Variants in FAM184A observed in about 807,000 individuals in gnomAD.
FAM184A encodes protein FAM184A.
A neutral mutation model predicts 143.8 loss-of-function variants in FAM184A; 99 were observed. The ratio of observed to expected loss-of-function variants is 0.69; its 90% CI spans 0.58 to 0.81. The LOEUF is 0.81. Among genes scored for constraint, FAM184A ranks in the 40% least tolerant of loss-of-function variants. The probability of loss-of-function intolerance (pLI) is 0.00; values close to 1 mark genes in which losing one functional copy is unlikely to be tolerated. For synonymous variants in FAM184A, 427 were observed against 446.4 expected (o/e 0.96, Z 0.55); for missense variants, 1,217 against 1,310.5 (o/e 0.93, Z 1.10).
chr6:119,039,452 T>C (rs1786236207), intron 1 of FAM184A, among the ~76,000 whole-genome samples: 1 of 152,180 alleles, frequency 6.6e-6, no homozygotes, highest in South Asian at 2.1e-4. Flanking sequence ...TAAAAAGAAA[T>C]GAACGATCAA....
At chr6:118,989,785 A>G (rs1784312480) in intron 9 of FAM184A, among the ~76,000 whole-genome samples, 1 of 150,492 alleles carries the variant, frequency 6.6e-6, no homozygotes, top group Non-Finnish European at 1.5e-5. Context: ...AAGAACTTTT[A>G]GTTGTAGTAT....
At chr6:118,968,412 A>T (rs1219194651) in intron 14 of FAM184A, among the ~76,000 whole-genome samples, 1 of 152,244 alleles carries the variant, frequency 6.6e-6, no homozygotes, top group African/African-American at 2.4e-5. Flanking sequence ...AAGTTCCACT[A>T]TCTTTAACTT....
chr6:119,023,687 C>G (rs1325139650), intron 2 of FAM184A, among the ~76,000 whole-genome samples: 1 of 151,234 alleles, frequency 6.6e-6, no homozygotes, highest in Non-Finnish European at 1.5e-5. Context: ...TACCACTGTG[C>G]CTAGCCAATA....
intron 15 of FAM184A, 47 bp downstream of exon 15, chr6:118,966,788 T>C: frequency 1.2e-6 from 1 of 857,542 alleles, no homozygotes; most frequent in Middle Eastern, 2.3e-4. Context: ...TCCCAATCAA[T>C]ATCTATTGAT....
At chr6:119,045,779 AAATAC>A (rs1489016657) in intron 1 of FAM184A, among the ~76,000 whole-genome samples, 1 of 152,106 alleles carries the variant, frequency 6.6e-6, no homozygotes, top group Non-Finnish European at 1.5e-5. Flanking sequence ...ATTTCTTCTT[AAATAC>A]AATAAAGCCA....
chr6:118,975,879 T>G (rs1783829370), intron 12 of FAM184A, 38 bp downstream of exon 12: 1 of 1,583,522 alleles, frequency 6.3e-7, no homozygotes, highest in Non-Finnish European at 8.6e-7. Context: ...TCTATTCAAA[T>G]TTAAGAAATC....
At position 119,024,445 on chromosome 6, in the gene FAM184A, T is replaced by A. The variant is rs1192047540; in HGVS notation, c.528A>T (p.Gln176His). The A allele has an allele frequency of 1.9e-6, 3 of 1,614,146 alleles. No individual in the cohort carries two copies. Among genetic ancestry groups the A allele is most frequent in the Non-Finnish European group, 2.5e-6 (3 of 1,180,030 alleles). Residue 176 changes from glutamine (Q) to histidine (H), a missense_variant, in exon 2 of 18, where the codon CAA (glutamine) becomes CAT (histidine). Gln to His is a conservative substitution (Grantham distance 24). Coordinates refer to ENST00000338891, the MANE Select transcript of FAM184A (RefSeq NM_024581.6). ...ATCGTTTGTCTTTTTCAAACTGTAC[T>A]TGAAGTTGTCCAAAGCTCCGTAATT... ...EEKLRSFGQL[Q>H]VQFEKDKRLA...
chr6:119,023,191 T>C (rs1785508584), intron 2 of FAM184A, 111 bp from the exon 3 acceptor site: 2 of 1,107,696 alleles, frequency 1.8e-6, no homozygotes, highest in African/African-American at 1.6e-5. Context: ...TACTAAACTA[T>C]ATACCAATTT....
At chr6:119,142,405 A>G (rs1772275857) in intron 1 of FAM184A, among the ~76,000 whole-genome samples, 2 of 152,196 alleles carry the variant, frequency 1.3e-5, no homozygotes, top group South Asian at 4.1e-4. Flanking sequence ...CAACAATTAG[A>G]AAGTTTCTAA....
At chr6:118,969,904 T>G (rs1783624444) in intron 14 of FAM184A, among the ~76,000 whole-genome samples, 1 of 141,922 alleles carries the variant, frequency 7.0e-6, no homozygotes, top group African/African-American at 2.6e-5. Context: ...GGAGTTTGGT[T>G]TTGTTCCTGC....
At chr6:119,000,512 T>C (rs1784720736) in intron 9 of FAM184A, among the ~76,000 whole-genome samples, 1 of 152,202 alleles carries the variant, frequency 6.6e-6, no homozygotes, top group Non-Finnish European at 1.5e-5. Context: ...AACATCTGAT[T>C]CAAGTAAAAT....
chr6:119,041,256 C>T (rs1331191966), intron 1 of FAM184A, among the ~76,000 whole-genome samples: 1 of 152,120 alleles, frequency 6.6e-6, no homozygotes, highest in African/African-American at 2.4e-5. Flanking sequence ...GAAGGGTGGT[C>T]CCAAGCTAAA....
At chr6:118,984,581 G>A (rs1055084043) in intron 9 of FAM184A, among the ~76,000 whole-genome samples, 2 of 152,084 alleles carry the variant, frequency 1.3e-5, no homozygotes, top group African/African-American at 2.4e-5. Context: ...TGAGGTACTG[G>A]GTATGACAGA....
At chr6:118,986,125 C>A (rs1490320165) in intron 9 of FAM184A, among the ~76,000 whole-genome samples, 1 of 152,034 alleles carries the variant, frequency 6.6e-6, no homozygotes, top group Non-Finnish European at 1.5e-5. Flanking sequence ...AACCCCGTCT[C>A]TACTAAATAT....
intron 1 of FAM184A, among the ~76,000 whole-genome samples, chr6:119,039,456 C>T (rs747897906): frequency 2.6e-5 from 4 of 152,120 alleles, no homozygotes; most frequent in Non-Finnish European, 4.4e-5. Context: ...AAGAAATGAA[C>T]GATCAAGCCA....
At chr6:119,140,743 C>G (rs146756604) in intron 1 of FAM184A, among the ~76,000 whole-genome samples, 1 of 152,154 alleles carries the variant, frequency 6.6e-6, no homozygotes, top group Non-Finnish European at 1.5e-5. Flanking sequence ...AGCAGGAAAA[C>G]CGGTGAAAGG....
chr6:119,092,783 G>C (rs1271307227), intron 1 of FAM184A, among the ~76,000 whole-genome samples: 2 of 152,030 alleles, frequency 1.3e-5, no homozygotes, highest in Non-Finnish European at 2.9e-5. Flanking sequence ...AACTCACTCT[G>C]GTCTAAAAAC....
chr6:118,982,977 T>A (rs1784064632), intron 9 of FAM184A, among the ~76,000 whole-genome samples: 2 of 152,228 alleles, frequency 1.3e-5, no homozygotes, highest in Admixed American at 6.5e-5. Context: ...AATCTTTGTA[T>A]CTACACTCAA....
chr6:119,040,846 G>A (rs568673011), intron 1 of FAM184A, among the ~76,000 whole-genome samples: 8 of 152,162 alleles, frequency 5.3e-5, no homozygotes, highest in African/African-American at 9.7e-5. Flanking sequence ...CACCACTTTA[G>A]GAGGTGGAGA....
Sources: gnomAD v4.1 joint callset for allele counts (sites outside exome capture counted in the v4.1 genomes callset) on GRCh38, gnomAD v4.1.1 for gene constraint, MANE v1.5 for transcripts, NCBI Gene and HGNC (gene_info 2026-07-23, HGNC 2026-07-21) for gene names.